Variants in CSMD1 observed in about 807,000 individuals in gnomAD.
CSMD1 encodes the protein CUB and Sushi multiple domains 1, also known as CUB and sushi domain-containing protein 1.
CSMD1 carries 213 observed loss-of-function variants against 417.5 expected under a neutral mutation model. That is an observed-to-expected ratio of 0.51 (90% CI 0.46 to 0.57). The LOEUF (loss-of-function observed/expected upper bound fraction) is 0.57, where lower values mean the gene tolerates loss of function less well. Ranked by LOEUF, CSMD1 falls within the 20% of genes least tolerant of loss-of-function variation. CSMD1 has a pLI of 0.00. For synonymous variants in CSMD1, 2,862 were observed against 1,736.8 expected, an observed-to-expected ratio of 1.65 and a Z score of -16.11; for missense variants, 6,923 against 4,529.7, an observed-to-expected ratio of 1.53 and a Z score of -15.17.
intron 3 of CSMD1, among the ~76,000 whole-genome samples, chr8:4,316,877 C>T (rs975149459): frequency 6.6e-6 from 1 of 152,076 alleles, no homozygotes; most frequent in African/African-American, 2.4e-5. Flanking sequence ...TGGTTATACT[C>T]CAAATCTTGG....
intron 1 of CSMD1, among the ~76,000 whole-genome samples, chr8:4,685,193 C>A (rs1022557336): frequency 2.6e-5 from 4 of 152,166 alleles, no homozygotes; most frequent in African/African-American, 9.7e-5. Context: ...CAAGGAATCT[C>A]AAATGAGAAT....
At chr8:4,131,756 C>CTT (rs10650865) in intron 3 of CSMD1, among the ~76,000 whole-genome samples, 28,345 of 87,352 alleles carry the variant, frequency 0.32, 7,243 homozygotes, top group Non-Finnish European at 0.36. Flanking sequence ...ACAAATGTGA[C>CTT]TTTTTTTTTT....
At chr8:4,345,499 A>T (rs920327969) in intron 3 of CSMD1, among the ~76,000 whole-genome samples, 4 of 151,952 alleles carry the variant, frequency 2.6e-5, no homozygotes, top group African/African-American at 9.7e-5. Context: ...ATAGCAAAGG[A>T]AACAGTGACA....
chr8:3,521,449 G>T (rs1797504522), intron 10 of CSMD1, among the ~76,000 whole-genome samples: 1 of 152,104 alleles, frequency 6.6e-6, no homozygotes, highest in Non-Finnish European at 1.5e-5. Flanking sequence ...AAGCTCACTG[G>T]CCTTGAACTT....
At chr8:3,108,413 G>A (rs1490815870) in intron 44 of CSMD1, among the ~76,000 whole-genome samples, 190 bp downstream of exon 44, 5 of 152,100 alleles carry the variant, frequency 3.3e-5, no homozygotes, top group Admixed American at 6.5e-5. Context: ...AGCTGGATAC[G>A]ATGTGAAATA....
chr8:4,761,836 C>CATCTATCTATCTATCTATCT (rs72078338), intron 1 of CSMD1, among the ~76,000 whole-genome samples: 1 of 119,122 alleles, frequency 8.4e-6, no homozygotes, highest in Non-Finnish European at 1.7e-5. Context: ...TAGTACCATG[C>CATCTATCTATCTATCTATCT]ATCTATCTAT....
At chr8:3,908,519 C>G (rs1009352547) in intron 5 of CSMD1, among the ~76,000 whole-genome samples, 3 of 151,986 alleles carry the variant, frequency 2.0e-5, no homozygotes, top group Non-Finnish European at 2.9e-5. Flanking sequence ...CAAAACAAAA[C>G]AAAAAAACTC....
At chr8:4,205,642 C>G (rs973390992) in intron 3 of CSMD1, among the ~76,000 whole-genome samples, 1 of 152,118 alleles carries the variant, frequency 6.6e-6, no homozygotes, top group African/African-American at 2.4e-5. Context: ...AGTGAGAAAG[C>G]CTCTCATTGT....
chr8:3,965,267 C>G (rs1361554857), intron 5 of CSMD1, among the ~76,000 whole-genome samples: 2 of 152,176 alleles, frequency 1.3e-5, no homozygotes, highest in African/African-American at 4.8e-5. Flanking sequence ...GGTCTCCTCC[C>G]TTAAACAGGG....
At chr8:3,167,721 C>T (rs17079523) in intron 37 of CSMD1, among the ~76,000 whole-genome samples, 4,040 of 152,248 alleles carry the variant, frequency 0.027, 161 homozygotes, top group African/African-American at 0.091. Flanking sequence ...GATGAGTGTC[C>T]TAATTTGACC....
intron 5 of CSMD1, among the ~76,000 whole-genome samples, chr8:3,964,557 C>A (rs924875237): frequency 6.6e-6 from 1 of 152,324 alleles, no homozygotes; most frequent in African/African-American, 2.4e-5. Context: ...AATAAATACA[C>A]TGGAGAAGTC....
chr8:4,739,226 G>A (rs1041729885), intron 1 of CSMD1, among the ~76,000 whole-genome samples: 1 of 152,226 alleles, frequency 6.6e-6, no homozygotes, highest in East Asian at 1.9e-4. Flanking sequence ...ATCCTATGTT[G>A]TTGAGCCTGC....
intron 3 of CSMD1, among the ~76,000 whole-genome samples, chr8:4,185,979 A>G (rs73512807): frequency 6.6e-6 from 1 of 152,146 alleles, no homozygotes; most frequent in East Asian, 1.9e-4. Context: ...AATCATTCTT[A>G]ACAAGTCCAC....
chr8:4,002,981 A>T (rs1815811074), intron 4 of CSMD1, among the ~76,000 whole-genome samples: 1 of 152,136 alleles, frequency 6.6e-6, no homozygotes, highest in Non-Finnish European at 1.5e-5. Context: ...AAGTAAACCA[A>T]TCTACCTGTT....
At chr8:4,075,949 T>C (rs1282044986) in intron 3 of CSMD1, among the ~76,000 whole-genome samples, 1 of 152,238 alleles carries the variant, frequency 6.6e-6, no homozygotes, top group East Asian at 1.9e-4. Context: ...AAATCAGTAC[T>C]CTTTCCCTCT....
intron 12 of CSMD1, among the ~76,000 whole-genome samples, chr8:3,434,111 T>A (rs1424815794): frequency 6.6e-6 from 1 of 152,230 alleles, no homozygotes; most frequent in Non-Finnish European, 1.5e-5. Context: ...AGAGTAACCT[T>A]AGAATTATAT....
intron 5 of CSMD1, among the ~76,000 whole-genome samples, chr8:3,833,133 G>A (rs1343254619): frequency 6.6e-6 from 1 of 152,022 alleles, no homozygotes; most frequent in East Asian, 1.9e-4. Context: ...CATGTCAAAC[G>A]ATCAACTTCC....
intron 3 of CSMD1, among the ~76,000 whole-genome samples, chr8:4,325,165 G>C (rs928335973): frequency 6.6e-6 from 1 of 152,116 alleles, no homozygotes; most frequent in African/African-American, 2.4e-5. Context: ...GGAAAGAGGA[G>C]AAAAATAAAT....
intron 52 of CSMD1, among the ~76,000 whole-genome samples, chr8:3,007,982 T>C (rs368715004): frequency 7.5e-4 from 114 of 152,346 alleles, no homozygotes; most frequent in African/African-American, 2.6e-3. Flanking sequence ...TATAAACTGC[T>C]ATTATATTTT....
Sources: allele counts gnomAD v4.1 joint callset (sites outside exome capture counted in the v4.1 genomes callset), GRCh38; gene constraint gnomAD v4.1.1; transcripts MANE v1.5; gene names NCBI Gene and HGNC (gene_info 2026-07-23, HGNC 2026-07-21).